Variants in ZSCAN9 observed in about 807,000 individuals in gnomAD.
ZSCAN9 encodes zinc finger and SCAN domain-containing protein 9.
Under a neutral mutation model 23.0 loss-of-function variants are expected in ZSCAN9, and 19 were observed. The observed-to-expected ratio is 0.83, with a 90% CI of 0.58 to 1.21. ZSCAN9 has a LOEUF of 1.21. ZSCAN9 is among the 50% of genes most tolerant of loss of function. The pLI is 0.00. For missense variants in ZSCAN9, 467 were observed against 471.5 expected (o/e 0.99, Z 0.09); for synonymous variants, 155 against 164.8 (o/e 0.94, Z 0.46).
intron 3 of ZSCAN9, among the ~76,000 whole-genome samples, chr6:28,229,494 A>G (rs1321042634): frequency 7.0e-6 from 1 of 142,422 alleles, no homozygotes; most frequent in Non-Finnish European, 1.5e-5. Context: ...CTGTAGGAGA[A>G]TATCCAGAGG....
At chr6:28,229,178 T>C (rs1246877798) in intron 3 of ZSCAN9, 1 of 152,222 alleles carries the variant, frequency 6.6e-6, no homozygotes, top group African/African-American at 2.4e-5. Flanking sequence ...TAAATTAAAG[T>C]GTATGTGTTG....
At chr6:28,228,034 T>A (rs1176456787) in intron 3 of ZSCAN9, 197 bp downstream of exon 3, 19 of 734,492 alleles carry the variant, frequency 2.6e-5, no homozygotes, top group Non-Finnish European at 4.6e-5. Flanking sequence ...AGTACCACCC[T>A]GGAAGCTTTC....
At chr6:28,230,418 C>G in intron 3 of ZSCAN9, 1 of 1,536,032 alleles carries the variant, frequency 6.5e-7, no homozygotes, top group Non-Finnish European at 8.7e-7. Context: ...TTTTATTTTC[C>G]AAACCTGTTG....
At chr6:28,230,471 A>G (rs958256873) in intron 3 of ZSCAN9, 2 of 1,535,914 alleles carry the variant, frequency 1.3e-6, no homozygotes, top group African/African-American at 1.4e-5. Flanking sequence ...TGGCCTAACA[A>G]CAGAGGAGTC....
In ZSCAN9 at chr6:28,233,042, G is replaced by A. The variant is rs140538924; in HGVS notation, c.1049G>A (p.Arg350His). Reference protein sequence around the residue: ...CSQCSKSYSRRSFLIEHQRSH... With the variant: ...CSQCSKSYSRHSFLIEHQRSH... ...CAGTGCAGTAAGAGCTACAGTCGGC[G>A]TTCATTTCTCATTGAACATCAGAGA... Residue 350 changes from arginine to histidine, a missense_variant, in exon 4 of 4, where the codon CGT becomes CAT. Arg to His is a conservative substitution (Grantham distance 29). Transcript: ENST00000252207. 9.4e-4 allele frequency: 1,516 copies of A among 1,614,092 alleles called. No individual in the cohort carries two copies. Among genetic ancestry groups the A allele is most frequent in the Non-Finnish European group, 1.1e-3 (1,313 of 1,179,972 alleles).
chr6:28,227,535 T>C, intron 2 of ZSCAN9, 31 bp downstream of exon 2: 1 of 1,568,506 alleles, frequency 6.4e-7, no homozygotes, highest in East Asian at 2.2e-5. Flanking sequence ...GAGAAAAATG[T>C]GTATTTTGGC....
chr6:28,226,308 A>G (rs1459762046), intron 1 of ZSCAN9, among the ~76,000 whole-genome samples: 1 of 152,244 alleles, frequency 6.6e-6, no homozygotes, highest in Non-Finnish European at 1.5e-5. Context: ...CTGTAAATTT[A>G]GTGAAAATAA....
Position 28,227,408 on chromosome 6 carries a change from C to T in ZSCAN9, c.324C>T (p.Leu108=), listed in dbSNP as rs911403604. 6.2e-7 allele frequency: 1 copy of T among 1,614,114 alleles called. No homozygotes were observed. Among genetic ancestry groups the T allele is most frequent in the South Asian group, 1.1e-5 (1 of 91,086 alleles). The change falls in exon 2 of 4, where the codon CTC becomes CTT. Residue 108 remains leucine (L), a synonymous_variant. Transcript: ENST00000252207. The part of the protein sequence containing the change: ...EQFLSILPKE[L]QGWVREHCPE... Reference sequence around the variant, plus strand: ...TTCTATCCATTCTGCCCAAGGAGCTCCAGGGCTGGGTGAGGGAACACTGTC... The same window carrying T: ...TTCTATCCATTCTGCCCAAGGAGCTTCAGGGCTGGGTGAGGGAACACTGTC...
At chr6:28,228,750 C>T (rs898636244) in intron 3 of ZSCAN9, 1 of 154,402 alleles carries the variant, frequency 6.5e-6, no homozygotes, top group Non-Finnish European at 1.5e-5. Flanking sequence ...TGGGTTCATA[C>T]TTGGAGTAGA....
In ZSCAN9 at chr6:28,233,146, C is replaced by G; in HGVS notation, c.1153C>G (p.Gln385Glu). 2.5e-6 allele frequency: 4 copies of G among 1,614,006 alleles called. No homozygotes were observed. The highest frequency in any genetic ancestry group is 8.5e-7 in the Non-Finnish European group (1 of 1,179,978). Residue 385 changes from glutamine to glutamate, a missense_variant, in exon 4 of 4, where the codon CAG (glutamine) becomes GAG (glutamate). Coordinates refer to ENST00000252207, the MANE Select transcript of ZSCAN9 (RefSeq NM_006299.5). Reference sequence around the variant, plus strand: ...TCGACACTGCAACCTCATTCGCCATCAGAAGATCCACACAGTGGCTGAGCT... The same window carrying G: ...TCGACACTGCAACCTCATTCGCCATGAGAAGATCCACACAGTGGCTGAGCT... ...FNRHCNLIRH[Q>E]KIHTVAELV
At chr6:28,229,730 A>G (rs1201315732) in intron 3 of ZSCAN9, among the ~76,000 whole-genome samples, 5 of 152,320 alleles carry the variant, frequency 3.3e-5, no homozygotes, top group East Asian at 1.9e-4. Context: ...AAAAGTTTAT[A>G]TAGTAAAAAA....
rs34243448 is a variant in ZSCAN9, at chr6:28,225,324, C to T, written c.-116C>T. On this transcript the variant is annotated 5_prime_UTR_variant, in exon 1 of 4. Coordinates refer to ENST00000252207, the MANE Select transcript of ZSCAN9 (RefSeq NM_006299.5). The stretch of plus-strand genomic sequence containing the variant: ...GTTCGTGCCGCGCTTCTAGCAACGC[C>T]GGGCCGGTAACCCCCTCTCCCTCCT... The T allele has an allele frequency of 2.0e-5, 3 of 152,086 alleles. No individual in the cohort carries two copies. The highest frequency in any genetic ancestry group is 4.4e-5 in the Non-Finnish European group (3 of 68,050). 9.4% of individuals were successfully genotyped at this position (152,086 alleles called of 1,614,324 possible).
chr6:28,227,702 A>G lies in ZSCAN9; in HGVS notation c.433A>G (p.Arg145Gly). Residue 145 changes from arginine (R) to glycine (G), a missense_variant, in exon 3 of 4, where the codon AGA becomes GGA. Physicochemically the swap from Arg to Gly is moderately radical, Grantham distance 125. Coordinates refer to ENST00000252207, the MANE Select transcript of ZSCAN9 (RefSeq NM_006299.5). ...DEPQHEMVAHRHRQEVLCKEM... is the reference protein window; with the variant it reads ...DEPQHEMVAHGHRQEVLCKEM... ...TTTTTGTCCCCAGATGGTGGCCCAC[A>G]GACACAGACAAGAAGTCCTCTGTAA... 1 of 1,595,632 alleles carries G rather than the reference A, an allele frequency of 6.3e-7. No homozygotes were observed. The highest frequency in any genetic ancestry group is 8.5e-7 in the Non-Finnish European group (1 of 1,175,684).
In ZSCAN9 at chr6:28,232,723, C is replaced by T. The variant is rs1312423300; in HGVS notation, c.730C>T (p.Gln244Ter). ...TGAACATAAGGATAGGATAGAGAGG[C>T]AGTGGGGAAACCTCTTAGGAGAGGG... ...VGEHKDRIER[Q>*]WGNLLGEGQH... Residue 244 changes from glutamine to a stop codon, truncating the protein, a stop_gained, in exon 4 of 4, where the codon CAG (glutamine) becomes TAG (stop). Transcript: ENST00000252207. LOFTEE classifies it low-confidence loss of function (END_TRUNC). The T allele has an allele frequency of 6.2e-7, 1 of 1,614,118 alleles. No homozygotes were observed. Among genetic ancestry groups the T allele is most frequent in the Non-Finnish European group, 8.5e-7 (1 of 1,180,036 alleles).
intron 3 of ZSCAN9, chr6:28,229,343 A>T (rs1236997083): frequency 6.6e-6 from 1 of 152,506 alleles, no homozygotes; most frequent in Non-Finnish European, 1.5e-5. Context: ...TTTTCTAGCC[A>T]CTTCCTTTCT....
intron 3 of ZSCAN9, chr6:28,229,166 TTTAAA>T (rs1760211675): frequency 6.6e-6 from 1 of 152,242 alleles, no homozygotes; most frequent in Admixed American, 6.5e-5. Context: ...CATCTCTTGA[TTTAAA>T]TTAAAGTGTA....
At chr6:28,227,867 C>G in intron 3 of ZSCAN9, 30 bp downstream of exon 3, 1 of 1,612,362 alleles carries the variant, frequency 6.2e-7, no homozygotes, top group South Asian at 1.1e-5. Context: ...TGATGTTGAA[C>G]GAATCCCACC....
intron 3 of ZSCAN9, 68 bp from the exon 4 acceptor site, chr6:28,232,494 A>G: frequency 6.5e-7 from 1 of 1,531,478 alleles, no homozygotes; most frequent in Non-Finnish European, 8.7e-7. Context: ...ATATTTTTAT[A>G]GACATAGTCA....
At chr6:28,232,257 G>A (rs1760326548) in intron 3 of ZSCAN9, among the ~76,000 whole-genome samples, 2 of 152,138 alleles carry the variant, frequency 1.3e-5, no homozygotes, top group South Asian at 4.1e-4. Context: ...CTTGAACCTG[G>A]GAAATGGAGG....
Sources: gnomAD v4.1 joint callset for allele counts (sites outside exome capture counted in the v4.1 genomes callset) on GRCh38, gnomAD v4.1.1 for gene constraint, MANE v1.5 for transcripts, NCBI Gene and HGNC (gene_info 2026-07-23, HGNC 2026-07-21) for gene names.